Variants in SPATA16 observed in about 807,000 individuals in gnomAD.
SPATA16 encodes the protein spermatogenesis associated 16, also known as spermatogenesis-associated protein 16.
In SPATA16, 36 loss-of-function variants were observed where a neutral mutation model predicts 63.3. The ratio of observed to expected loss-of-function variants is 0.57; its 90% CI spans 0.44 to 0.75. The LOEUF is 0.75. Ranked by LOEUF, SPATA16 falls within the 30% of genes least tolerant of loss-of-function variation. SPATA16 has a pLI of 0.00. For missense variants in SPATA16, 646 were observed against 679.3 expected, an observed-to-expected ratio of 0.95 and a Z score of 0.54; for synonymous variants, 203 against 216.7, an observed-to-expected ratio of 0.94 and a Z score of 0.56.
intron 3 of SPATA16, among the ~76,000 whole-genome samples, chr3:173,028,651 A>G (rs1735526758): frequency 6.6e-6 from 1 of 152,044 alleles, no homozygotes; most frequent in Non-Finnish European, 1.5e-5. Flanking sequence ...GAGTTTGATC[A>G]TATGGAAAAA....
At chr3:173,075,853 G>A (rs1736789074) in intron 2 of SPATA16, among the ~76,000 whole-genome samples, 1 of 152,106 alleles carries the variant, frequency 6.6e-6, no homozygotes, top group African/African-American at 2.4e-5. Context: ...GTAGTGTTTG[G>A]TAGCACAATA....
chr3:172,891,860 C>T (rs755594535), intron 10 of SPATA16, among the ~76,000 whole-genome samples: 4 of 152,162 alleles, frequency 2.6e-5, no homozygotes, highest in Non-Finnish European at 4.4e-5. Flanking sequence ...AGTTGGTTGT[C>T]TCAGTAACAT....
rs775061743 is a variant in SPATA16, at chr3:172,924,208, A to G, written c.1338T>C (p.Asn446=). Residue 446 remains asparagine (N), a splice_region_variant and synonymous_variant, in exon 8 of 11, where the codon AAT becomes AAC. Transcript: ENST00000351008. The stretch of plus-strand genomic sequence containing the variant: ...AAATATAAAAGACTCATATACCTAC[A>G]TTCAATTGGGTGCTTCTAATAAAAT... ...ILDFIRSTQL[N]GSFPASSGVM... 5.0e-6 allele frequency: 8 copies of G among 1,607,842 alleles called. No homozygotes were observed. Among genetic ancestry groups the G allele is most frequent in the Non-Finnish European group, 6.8e-6 (8 of 1,174,800 alleles).
chr3:172,928,229 T>C (rs1317246086), intron 6 of SPATA16, among the ~76,000 whole-genome samples: 1 of 152,186 alleles, frequency 6.6e-6, no homozygotes, highest in African/African-American at 2.4e-5. Flanking sequence ...CTTTAGTTGG[T>C]GGTTGTGTTA....
At chr3:172,945,893 G>C (rs926415166) in intron 6 of SPATA16, among the ~76,000 whole-genome samples, 2 of 152,100 alleles carry the variant, frequency 1.3e-5, no homozygotes, top group Non-Finnish European at 2.9e-5. Context: ...ATGACACTAG[G>C]GAGACACCAG....
intron 6 of SPATA16, among the ~76,000 whole-genome samples, chr3:172,944,395 C>T (rs998319811): frequency 4.6e-5 from 7 of 152,098 alleles, no homozygotes; most frequent in Non-Finnish European, 1.5e-5. Context: ...TTGGAACACT[C>T]GTGCACTTCT....
intron 5 of SPATA16, among the ~76,000 whole-genome samples, chr3:172,960,449 T>C (rs1010613584): frequency 2.0e-5 from 3 of 152,258 alleles, no homozygotes; most frequent in Admixed American, 6.5e-5. Context: ...TAACTCTCTT[T>C]TGTTACTCTC....
chr3:173,028,603 A>AT (rs149272351), intron 3 of SPATA16, among the ~76,000 whole-genome samples: 2,663 of 152,162 alleles, frequency 0.018, 75 homozygotes, highest in African/African-American at 0.06. Flanking sequence ...AAAAAATCTT[A>AT]GTTATAAACA....
chr3:172,928,115 G>A (rs762857471), intron 6 of SPATA16, among the ~76,000 whole-genome samples: 12 of 151,954 alleles, frequency 7.9e-5, no homozygotes, highest in Non-Finnish European at 1.5e-4. Flanking sequence ...CTCCAAGTTG[G>A]TCAAGCTGGT....
chr3:173,057,588 A>G (rs368031005), intron 2 of SPATA16, among the ~76,000 whole-genome samples: 1 of 152,260 alleles, frequency 6.6e-6, no homozygotes, highest in South Asian at 2.1e-4. Context: ...TTATAAGCCA[A>G]TGCTAGTGAT....
intron 3 of SPATA16, among the ~76,000 whole-genome samples, chr3:173,030,057 A>ACTGT (rs1473091642): frequency 4.7e-5 from 7 of 149,096 alleles, no homozygotes; most frequent in African/African-American, 1.7e-4. Flanking sequence ...TGGTTACTTT[A>ACTGT]CTATCTATCT....
intron 6 of SPATA16, among the ~76,000 whole-genome samples, chr3:172,934,114 C>T (rs1368536497): frequency 6.6e-6 from 1 of 151,948 alleles, no homozygotes; most frequent in Admixed American, 6.6e-5. Flanking sequence ...CTTTCTTGAC[C>T]TAAATTATAA....
At chr3:172,969,901 A>T (rs900837781) in intron 5 of SPATA16, among the ~76,000 whole-genome samples, 7 of 152,230 alleles carry the variant, frequency 4.6e-5, no homozygotes, top group African/African-American at 1.7e-4. Flanking sequence ...GCATTTTGCC[A>T]TAAAAAGAAC....
Position 172,889,590 on chromosome 3 carries a change from G to T in SPATA16, c.1690C>A (p.Gln564Lys). The part of the protein sequence containing the change: ...RRQKTKMKRL[Q>K]TVQQR ...AATGACTACCTTTGCTGAACAGTTT[G>T]AAGTCGCTTCATTTTTGTTTTTTGC... The change falls in exon 11 of 11, where the codon CAA (glutamine) becomes AAA (lysine). Residue 564 changes from glutamine (Q) to lysine (K), a missense_variant. By Grantham distance (53) the Gln-to-Lys change is moderately conservative. Transcript: ENST00000351008. 1 of 1,613,766 alleles carries T rather than the reference G, an allele frequency of 6.2e-7. No individual in the cohort carries two copies. The highest frequency in any genetic ancestry group is 8.5e-7 in the Non-Finnish European group (1 of 1,179,852).
chr3:173,014,693 A>G (rs1030503997), intron 4 of SPATA16, among the ~76,000 whole-genome samples: 113 of 152,224 alleles, frequency 7.4e-4, no homozygotes, highest in African/African-American at 2.7e-3. Context: ...TTGAACCTAC[A>G]TTCCCATAGA....
rs150538917 is a variant in SPATA16 at position 172,945,351 on chromosome 3, A to C, written c.1081+11326T>G. Among the ~76,000 whole-genome samples, 257 of 152,362 alleles carry C rather than the reference A, an allele frequency of 1.7e-3. 2 individuals are homozygous for C. The highest frequency in any genetic ancestry group is 2.6e-3 in the Admixed American group (40 of 15,304). On this transcript the variant is annotated intron_variant, in intron 6 of 10. Coordinates refer to ENST00000351008, the MANE Select transcript of SPATA16 (RefSeq NM_031955.6). ...AGGAGGAGGCAGAGCAAGATGTCCA[A>C]ATAGAACTCTCCAGTGATTGTCTCC... is the stretch of plus-strand genomic sequence containing the variant.
In SPATA16 at chr3:172,953,994, A is replaced by G. The variant is rs183618397; in HGVS notation, c.1081+2683T>C. On this transcript the variant is annotated intron_variant, in intron 6 of 10. Coordinates refer to ENST00000351008, the MANE Select transcript of SPATA16 (RefSeq NM_031955.6). The stretch of plus-strand genomic sequence containing the variant: ...TATGTTTGCACACATCTGCTGTGTG[A>G]CAGTCTATTCATACTGGTTGCATGA... Among the ~76,000 whole-genome samples, 663 of 152,340 alleles carry G rather than the reference A, an allele frequency of 4.4e-3. 8 individuals are homozygous for G. Among genetic ancestry groups the G allele is most frequent in the African/African-American group, 0.015 (623 of 41,592 alleles).
intron 1 of SPATA16, among the ~76,000 whole-genome samples, chr3:173,139,269 G>T (rs1738634808): frequency 6.6e-6 from 1 of 152,184 alleles, no homozygotes; most frequent in Admixed American, 6.5e-5. Context: ...CTATTAGACA[G>T]ATGGCTCATG....
Position 172,889,362 on chromosome 3 carries a change from T to G in SPATA16, c.*208A>C, listed in dbSNP as rs995406580. ...AAGAAAAATCTGAACAAAAGTCAAG[T>G]CAAACTTGCTGAGAATATTTATTGC... On this transcript the variant is annotated 3_prime_UTR_variant, in exon 11 of 11. Transcript: ENST00000351008. 3 of 708,166 alleles carry G rather than the reference T, an allele frequency of 4.2e-6. No individual in the cohort carries two copies. Among genetic ancestry groups the G allele is most frequent in the Non-Finnish European group, 7.0e-6 (3 of 429,744 alleles). 43.9% of individuals were successfully genotyped at this position (708,166 alleles called of 1,614,324 possible).
Sources: gnomAD v4.1 joint callset for allele counts (sites outside exome capture counted in the v4.1 genomes callset) on GRCh38, gnomAD v4.1.1 for gene constraint, MANE v1.5 for transcripts, NCBI Gene and HGNC (gene_info 2026-07-23, HGNC 2026-07-21) for gene names.